The following CYP20A1 variants were observed in gnomAD, a reference collection of about 807,000 sequenced individuals.
CYP20A1 encodes cytochrome P450 20A1.
CYP20A1 carries 61 observed loss-of-function variants against 61.4 expected under a neutral mutation model. The ratio of observed to expected loss-of-function variants is 0.99; its 90% CI spans 0.81 to 1.23. CYP20A1 has a LOEUF of 1.23. Ranked by LOEUF, CYP20A1 falls within the 50% of genes most tolerant of loss-of-function variation. The pLI, the probability that CYP20A1 is intolerant of heterozygous loss-of-function variation, is 0.00. For synonymous variants in CYP20A1, 193 were observed against 188.2 expected (o/e 1.03, Z -0.21); for missense variants, 530 against 542.4 (o/e 0.98, Z 0.23).
intron 4 of CYP20A1, among the ~76,000 whole-genome samples, chr2:203,253,320 AT>A (rs2066767978): frequency 6.6e-6 from 1 of 152,148 alleles, no homozygotes; most frequent in African/African-American, 2.4e-5. Context: ...GATCTCCCCT[AT>A]GGGCTGAAGT....
intron 8 of CYP20A1, among the ~76,000 whole-genome samples, chr2:203,284,241 G>T (rs1057348480): frequency 6.6e-6 from 1 of 152,080 alleles, no homozygotes. Context: ...AACCCTTAGC[G>T]CAGGAAAGAG....
intron 7 of CYP20A1, 98 bp downstream of exon 7, chr2:203,278,786 G>A (rs2152092790): frequency 1.6e-6 from 1 of 628,942 alleles, no homozygotes; most frequent in Non-Finnish European, 2.7e-6. Context: ...AGGGTGAGGT[G>A]GGAGGATCAC....
At chr2:203,240,096 A>AAAAC (rs796660849) in intron 1 of CYP20A1, among the ~76,000 whole-genome samples, 121 of 152,262 alleles carry the variant, frequency 7.9e-4, no homozygotes, top group African/African-American at 1.4e-3. Flanking sequence ...CTCTTATCTC[A>AAAAC]AAACAAACAA....
intron 11 of CYP20A1, among the ~76,000 whole-genome samples, chr2:203,295,717 G>T (rs945904229): frequency 2.0e-5 from 3 of 152,128 alleles, no homozygotes; most frequent in African/African-American, 4.8e-5. Context: ...GGAGGCCAAG[G>T]CAGGTGGATC....
intron 4 of CYP20A1, among the ~76,000 whole-genome samples, chr2:203,257,972 G>A (rs2066970675): frequency 1.3e-5 from 2 of 152,178 alleles, no homozygotes; most frequent in Non-Finnish European, 2.9e-5. Flanking sequence ...CACAATTATA[G>A]CTCACTGGAG....
chr2:203,256,875 T>C (rs1247868578), intron 4 of CYP20A1, among the ~76,000 whole-genome samples: 1 of 152,162 alleles, frequency 6.6e-6, no homozygotes, highest in African/African-American at 2.4e-5. Flanking sequence ...AGGTCTGTCT[T>C]TTTTCTCCTC....
At chr2:203,245,031 CTTTTTTTT>C in intron 1 of CYP20A1, among the ~76,000 whole-genome samples, 1 of 115,220 alleles carries the variant, frequency 8.7e-6, no homozygotes, top group Non-Finnish European at 1.8e-5. Flanking sequence ...CACGCCCAGC[CTTTTTTTT>C]TTTTTTTTGA....
At position 203,245,836 on chromosome 2, in the gene CYP20A1, T is replaced by C; in HGVS notation, c.73-10T>C. ...TGATAATTCATTATTATAAACTTTTTTTTTGTAAGGCTTCCAGACAAGCTG... is the reference window on the plus strand; with the variant it reads ...TGATAATTCATTATTATAAACTTTTCTTTTGTAAGGCTTCCAGACAAGCTG... On this transcript the variant is annotated splice_polypyrimidine_tract_variant and intron_variant, in intron 1 of 12. Transcript: ENST00000356079. 1.9e-6 allele frequency: 3 copies of C among 1,584,546 alleles called. No homozygotes were observed. Among genetic ancestry groups the C allele is most frequent in the Non-Finnish European group, 2.6e-6 (3 of 1,158,140 alleles).
intron 11 of CYP20A1, among the ~76,000 whole-genome samples, chr2:203,296,067 A>G (rs1222823827): frequency 6.6e-6 from 1 of 152,222 alleles, no homozygotes; most frequent in Non-Finnish European, 1.5e-5. Context: ...GTTCAAGATC[A>G]GCCTGGGCAA....
chr2:203,304,813 G>A lies in CYP20A1; in HGVS notation c.*7905G>A, dbSNP rs2069157057. 1.3e-5 allele frequency among the ~76,000 whole-genome samples: 2 copies of A among 152,182 alleles called. No homozygotes were observed. The highest frequency in any genetic ancestry group is 4.2e-4 in the South Asian group (2 of 4,816). ...TAGCCAGGTGTGCTGGCGCACACCT[G>A]TAGTCCCAACTACTCAGGAGGCTGA... On this transcript the variant is annotated 3_prime_UTR_variant, in exon 13 of 13. Transcript: ENST00000356079.
Position 203,285,682 on chromosome 2 carries a change from C to T in CYP20A1, c.921C>T (p.Asn307=). ...EVQKKLYEEI[N]QVFGNGPVTP... ...AAAAAAAATTATATGAAGAGATAAA[C>T]CAAGTTTTTGGAAATGGTCCTGTTA... The change falls in exon 9 of 13, where the codon AAC becomes AAT. Residue 307 remains asparagine (N), a synonymous_variant. Coordinates refer to ENST00000356079, the MANE Select transcript of CYP20A1 (RefSeq NM_177538.3). 6.2e-7 allele frequency: 1 copy of T among 1,604,876 alleles called. No individual in the cohort carries two copies. The highest frequency in any genetic ancestry group is 8.5e-7 in the Non-Finnish European group (1 of 1,177,976).
At position 203,250,127 on chromosome 2, in the gene CYP20A1, T is replaced by C. The variant is rs547674352; in HGVS notation, c.290-1840T>C. On this transcript the variant is annotated intron_variant, in intron 3 of 12. Transcript: ENST00000356079. ...AATAATATCTTAAGGAGTTGATCCA[T>C]AAATTGATCATCACAGATGTGAGAA... Among the ~76,000 whole-genome samples, 521 of 152,320 alleles carry C rather than the reference T, an allele frequency of 3.4e-3. 4 individuals carry two copies. Among genetic ancestry groups the C allele is most frequent in the African/African-American group, 0.012 (490 of 41,566 alleles).
In CYP20A1 at chr2:203,301,208, A is replaced by G. The variant is rs1277507565; in HGVS notation, c.*4300A>G. On this transcript the variant is annotated 3_prime_UTR_variant, in exon 13 of 13. Transcript: ENST00000356079. Reference sequence around the variant, plus strand: ...TGAAACTCTATCCAAAAAAAAAAAAAAACCATACGTACATAACTTTTTTTC... The same window carrying G: ...TGAAACTCTATCCAAAAAAAAAAAAGAACCATACGTACATAACTTTTTTTC... Among the ~76,000 whole-genome samples, 1 of 150,900 alleles carries G rather than the reference A, an allele frequency of 6.6e-6. No individual in the cohort carries two copies. The highest frequency in any genetic ancestry group is 1.9e-4 in the East Asian group (1 of 5,190).
intron 1 of CYP20A1, among the ~76,000 whole-genome samples, chr2:203,240,666 C>G (rs2066225281): frequency 6.6e-6 from 1 of 152,142 alleles, no homozygotes; most frequent in South Asian, 2.1e-4. Context: ...GAGGGAGCAG[C>G]AAATGCAAAC....
Position 203,272,707 on chromosome 2 carries a change from C to T in CYP20A1, c.638C>T (p.Ser213Leu), listed in dbSNP as rs1248167383. 6.2e-7 allele frequency: 1 copy of T among 1,607,252 alleles called. No homozygotes were observed. Among genetic ancestry groups the T allele is most frequent in the Non-Finnish European group, 8.5e-7 (1 of 1,177,960 alleles). ...SEIGKGFLDGSLDKNMTRKKQ... is the reference protein window; with the variant it reads ...SEIGKGFLDGLLDKNMTRKKQ... ...ATTGGAAAAGGCTTTCTAGATGGGT[C>T]ACTTGATAAAAACATGACTCGGAAA... Residue 213 changes from serine to leucine, a missense_variant, in exon 6 of 13, where the codon TCA becomes TTA. By Grantham distance (145) the Ser-to-Leu change is moderately radical. Transcript: ENST00000356079.
intron 4 of CYP20A1, among the ~76,000 whole-genome samples, chr2:203,253,131 TC>T (rs1261758924): frequency 3.3e-5 from 5 of 152,140 alleles, no homozygotes; most frequent in Non-Finnish European, 7.3e-5. Context: ...CCCCTCTGGG[TC>T]AGACTATTCG....
intron 4 of CYP20A1, among the ~76,000 whole-genome samples, chr2:203,261,605 T>TA (rs36092540): frequency 0.89 from 66,448 of 74,330 alleles, 29,829 homozygotes; most frequent in Middle Eastern, 0.94. Flanking sequence ...CTTTGTCACC[T>TA]AAAAAAAAAA....
intron 7 of CYP20A1, among the ~76,000 whole-genome samples, chr2:203,279,387 C>A (rs1169233879): frequency 6.6e-6 from 1 of 152,112 alleles, no homozygotes; most frequent in Non-Finnish European, 1.5e-5. Flanking sequence ...TCTTGAATTA[C>A]AAAAGAGGAG....
intron 5 of CYP20A1, among the ~76,000 whole-genome samples, chr2:203,271,054 G>GTATATGTATA (rs2067555316): frequency 2.5e-5 from 1 of 40,278 alleles, no homozygotes; most frequent in African/African-American, 8.8e-5. Context: ...ATGTATATGT[G>GTATATGTATA]TATATATATA....
Sources: gnomAD v4.1 joint callset for allele counts (sites outside exome capture counted in the v4.1 genomes callset) on GRCh38, gnomAD v4.1.1 for gene constraint, MANE v1.5 for transcripts, NCBI Gene and HGNC (gene_info 2026-07-23, HGNC 2026-07-21) for gene names.